Variants in NBAS observed in about 807,000 individuals in gnomAD.
NBAS encodes NBAS subunit of NRZ tethering complex.
Under a neutral mutation model 302.5 loss-of-function variants are expected in NBAS, and 219 were observed. That is an observed-to-expected ratio of 0.72 (90% confidence interval 0.65 to 0.81). The LOEUF (loss-of-function observed/expected upper bound fraction) is 0.81. Among genes scored for constraint, NBAS ranks in the 30% least tolerant of loss-of-function variants. The pLI, the probability that NBAS is intolerant of heterozygous loss-of-function variation, is 0.00. For synonymous variants in NBAS, 1,118 were observed against 1,021.6 expected (o/e 1.09, Z -1.80); for missense variants, 2,932 against 2,841.6 (o/e 1.03, Z -0.72).
At chr2:15,531,601 T>C (rs962680126) in intron 9 of NBAS, among the ~76,000 whole-genome samples, 10 of 152,184 alleles carry the variant, frequency 6.6e-5, no homozygotes, top group Admixed American at 5.2e-4. Context: ...TACTATAGCA[T>C]ACGAGGCCCT....
the NBAS span, among the ~76,000 whole-genome samples, chr2:15,001,516 A>C: frequency 6.6e-6 from 1 of 152,210 alleles, no homozygotes; most frequent in African/African-American, 2.4e-5. Context: ...CTACATACTT[A>C]GATTACAAAT....
chr2:14,813,374 T>A, the NBAS span, among the ~76,000 whole-genome samples: 1 of 152,156 alleles, frequency 6.6e-6, no homozygotes, highest in Non-Finnish European at 1.5e-5. Flanking sequence ...GACAATGAAT[T>A]CCAGGCTGAG....
intron 47 of NBAS, 72 bp downstream of exon 47, chr2:15,232,350 G>A (rs115423336): frequency 3.2e-5 from 45 of 1,420,252 alleles, no homozygotes; most frequent in African/African-American, 1.3e-4. Context: ...TCATACATAC[G>A]GATACTAAGA....
At chr2:14,783,140 T>C in the NBAS span, among the ~76,000 whole-genome samples, 2 of 151,752 alleles carry the variant, frequency 1.3e-5, no homozygotes, top group African/African-American at 4.8e-5. Flanking sequence ...AGAGAAAAAA[T>C]AAAAATAAAA....
intron 48 of NBAS, among the ~76,000 whole-genome samples, chr2:15,208,042 A>G (rs912107285): frequency 2.6e-5 from 4 of 152,184 alleles, no homozygotes; most frequent in Non-Finnish European, 1.5e-5. Context: ...ATATAAAGCA[A>G]ATGTTATTAG....
the NBAS span, among the ~76,000 whole-genome samples, chr2:15,021,100 C>T: frequency 1.7e-3 from 255 of 152,098 alleles, 4 homozygotes; most frequent in African/African-American, 5.6e-3. Context: ...GGCATGTTGG[C>T]GGGCACCTGT....
At chr2:15,211,187 A>T (rs1666392222) in intron 48 of NBAS, among the ~76,000 whole-genome samples, 1 of 152,294 alleles carries the variant, frequency 6.6e-6, no homozygotes, top group Middle Eastern at 3.4e-3. Context: ...ATTTATCTTG[A>T]TGTGATTTTT....
the NBAS span, among the ~76,000 whole-genome samples, chr2:15,034,288 G>T: frequency 1.0e-5 from 1 of 98,646 alleles, no homozygotes; most frequent in African/African-American, 4.3e-5. Context: ...GAGAAAGAAA[G>T]AAAGAAAGAA....
chr2:15,071,624 CAA>C, the NBAS span, among the ~76,000 whole-genome samples: 44 of 74,936 alleles, frequency 5.9e-4, no homozygotes, highest in Middle Eastern at 9.4e-3. Flanking sequence ...ACTCCATCTC[CAA>C]AAAAAAAAAA....
chr2:15,196,537 A>G (rs986906434), intron 48 of NBAS, among the ~76,000 whole-genome samples: 2 of 152,210 alleles, frequency 1.3e-5, no homozygotes, highest in African/African-American at 2.4e-5. Flanking sequence ...AATGAATGCA[A>G]TCAGAACAAA....
chr2:15,012,794 A>T, the NBAS span, among the ~76,000 whole-genome samples: 1 of 152,198 alleles, frequency 6.6e-6, no homozygotes, highest in African/African-American at 2.4e-5. Flanking sequence ...GAATATTATT[A>T]CCCGCAAAAC....
the NBAS span, among the ~76,000 whole-genome samples, chr2:14,907,410 A>T: frequency 6.6e-6 from 1 of 152,260 alleles, no homozygotes; most frequent in African/African-American, 2.4e-5. Context: ...TTCTACACAC[A>T]TTGTGCAACA....
chr2:15,368,450 G>A (rs1312716985), intron 31 of NBAS, among the ~76,000 whole-genome samples: 5 of 151,904 alleles, frequency 3.3e-5, no homozygotes, highest in Non-Finnish European at 7.4e-5. Context: ...CGCCCTCCTC[G>A]ACCTCCCAAA....
chr2:14,908,988 A>T, the NBAS span, among the ~76,000 whole-genome samples: 1 of 152,076 alleles, frequency 6.6e-6, no homozygotes, highest in African/African-American at 2.4e-5. Flanking sequence ...ATGGAGTCTG[A>T]CCCATCTCTT....
the NBAS span, among the ~76,000 whole-genome samples, chr2:14,913,772 G>T: frequency 6.6e-6 from 1 of 152,196 alleles, no homozygotes; most frequent in African/African-American, 2.4e-5. Flanking sequence ...TCAGGGCCAT[G>T]TGAATGGGGA....
At chr2:15,189,570 C>G (rs11902785) in intron 49 of NBAS, among the ~76,000 whole-genome samples, 43,444 of 146,868 alleles carry the variant, frequency 0.3, 6,878 homozygotes, top group African/African-American at 0.45. Context: ...AGACCCAGTC[C>G]ATGAGCTCAG....
the NBAS span, chr2:14,886,741 T>C: frequency 0.055 from 8,411 of 152,276 alleles, 269 homozygotes; most frequent in African/African-American, 0.076. Context: ...GGGAAATGCC[T>C]AAGGTGAATA....
chr2:15,061,636 T>C, the NBAS span, among the ~76,000 whole-genome samples: 41 of 152,176 alleles, frequency 2.7e-4, no homozygotes, highest in African/African-American at 9.9e-4. Context: ...GAGAAATTCA[T>C]CAAGCGGGAG....
intron 5 of NBAS, among the ~76,000 whole-genome samples, chr2:15,553,213 T>C (rs1349342436): frequency 6.6e-6 from 1 of 152,198 alleles, no homozygotes; most frequent in Non-Finnish European, 1.5e-5. Context: ...GGCAACGGAA[T>C]GATCTGGGGA....
Sources: allele counts gnomAD v4.1 joint callset (sites outside exome capture counted in the v4.1 genomes callset), GRCh38; gene constraint gnomAD v4.1.1; transcripts MANE v1.5; gene names NCBI Gene and HGNC (gene_info 2026-07-23, HGNC 2026-07-21).